The following GPRC5B variants were observed in gnomAD, a reference collection of about 807,000 sequenced individuals.
GPRC5B encodes the protein G protein-coupled receptor class C group 5 member B.
In GPRC5B, 16 loss-of-function variants were observed where a neutral mutation model predicts 30.1. That is an observed-to-expected ratio of 0.53 (90% confidence interval 0.36 to 0.81). The LOEUF is 0.81. GPRC5B is among the 30% of genes least tolerant of loss of function. The pLI, the probability that GPRC5B is intolerant of heterozygous loss-of-function variation, is 0.01. For synonymous variants in GPRC5B, 241 were observed against 239.5 expected (o/e 1.01, Z -0.06); for missense variants, 428 against 544.7 (o/e 0.79, Z 2.13).
intron 2 of GPRC5B, among the ~76,000 whole-genome samples, chr16:19,866,586 C>T (rs576621325): frequency 6.6e-6 from 1 of 151,388 alleles, no homozygotes; most frequent in South Asian, 2.1e-4. Context: ...CGCCACGTTG[C>T]CCAGGTTGGT....
intron 1 of GPRC5B, among the ~76,000 whole-genome samples, chr16:19,877,255 CT>C (rs1000361769): frequency 1.3e-5 from 2 of 152,162 alleles, no homozygotes; most frequent in African/African-American, 4.8e-5. Context: ...CCAGCCCCTG[CT>C]TTTTTTGGAT....
At chr16:19,884,963 G>A (rs2056839706), upstream of GPRC5B, 1 of 797,286 alleles carries the variant, frequency 1.3e-6, no homozygotes, top group South Asian at 5.5e-5. Context: ...GGGCCTCCGA[G>A]CCCCACCCCC....
Position 19,858,190 on chromosome 16 carries a change from GAA to G in GPRC5B, c.*2308_*2309del. On this transcript the variant is annotated 3_prime_UTR_variant, in exon 4 of 4. Transcript: ENST00000300571. ...TGATACTTTTCAGGTGTAGTCATTA[GAA>G]AAAGAACAGCTCTCTCCCTTCTCCT... The G allele has an allele frequency of 3.5e-6, 1 of 287,678 alleles. No homozygotes were observed. The highest frequency in any genetic ancestry group is 6.4e-6 in the Non-Finnish European group (1 of 156,698). The allele number at this position is 287,678 out of a possible 1,614,324, so 17.8% of individuals were successfully genotyped here.
chr16:19,880,885 G>C (rs999686006), intron 1 of GPRC5B: 5 of 151,916 alleles, frequency 3.3e-5, no homozygotes, highest in African/African-American at 1.2e-4. Context: ...GCTCCACCCT[G>C]TGTCCCCTCG....
intron 2 of GPRC5B, among the ~76,000 whole-genome samples, chr16:19,864,948 A>G (rs1318331517): frequency 1.5e-5 from 2 of 133,850 alleles, no homozygotes; most frequent in African/African-American, 5.7e-5. Context: ...TCTCTGTCTC[A>G]GGCTGGGGTA....
At chr16:19,864,577 T>C (rs2056652017) in intron 2 of GPRC5B, among the ~76,000 whole-genome samples, 1 of 152,220 alleles carries the variant, frequency 6.6e-6, no homozygotes, top group South Asian at 2.1e-4. Context: ...GCCTGGAGAA[T>C]GCCCTTCCCA....
At chr16:19,863,153 C>T (rs1597623436) in intron 2 of GPRC5B, among the ~76,000 whole-genome samples, 2 of 150,860 alleles carry the variant, frequency 1.3e-5, no homozygotes, top group African/African-American at 2.4e-5. Context: ...TAATTTTCAT[C>T]GCACGATAGC....
rs907073858 is a variant in GPRC5B at position 19,884,742 on chromosome 16, C to T, written c.-17G>A. ...TCGCACTTACCGACCCCCGCGGCCC[C>T]GCAGCGCCGACGCTCCAGCTGGCCT... On this transcript the variant is annotated 5_prime_UTR_variant, in exon 1 of 4. Transcript: ENST00000300571. 1.0e-6 allele frequency: 1 copy of T among 985,118 alleles called. No homozygotes were observed. The highest frequency in any genetic ancestry group is 1.2e-6 in the Non-Finnish European group (1 of 829,786). The allele number at this position is 985,118 out of a possible 1,614,324, so 61.0% of individuals were successfully genotyped here.
chr16:19,861,275 G>A (rs1427565120), intron 3 of GPRC5B, among the ~76,000 whole-genome samples: 1 of 152,148 alleles, frequency 6.6e-6, no homozygotes, highest in East Asian at 1.9e-4. Flanking sequence ...AAACAAAATG[G>A]TGTCATTCCA....
chr16:19,880,838 C>T (rs575016910), intron 1 of GPRC5B: 1 of 152,416 alleles, frequency 6.6e-6, no homozygotes, highest in East Asian at 1.9e-4. Context: ...CATTCTAGAA[C>T]ATTCTTACTG....
Position 19,857,126 on chromosome 16 carries a change from A to G in GPRC5B, c.*3374T>C. 1 of 203,334 alleles carries G rather than the reference A, an allele frequency of 4.9e-6. No individual in the cohort carries two copies. Among genetic ancestry groups the G allele is most frequent in the South Asian group, 8.1e-5 (1 of 12,288 alleles). The allele number at this position is 203,334 out of a possible 1,614,324, so 12.6% of individuals were successfully genotyped here. A position where few individuals can be genotyped will look rare whatever the true frequency, so the allele number is the denominator to read the frequency against. On this transcript the variant is annotated 3_prime_UTR_variant, in exon 4 of 4. Coordinates refer to ENST00000300571, the MANE Select transcript of GPRC5B (RefSeq NM_016235.3). ...TTTGTTGTCTAAGTCCCAAAGTATTATATAGAAAGTTCCTGCTTTTATGGG... is the reference window on the plus strand; with the variant it reads ...TTTGTTGTCTAAGTCCCAAAGTATTGTATAGAAAGTTCCTGCTTTTATGGG...
intron 1 of GPRC5B, among the ~76,000 whole-genome samples, chr16:19,877,604 C>A (rs2056768317): frequency 6.6e-6 from 1 of 152,128 alleles, no homozygotes; most frequent in Non-Finnish European, 1.5e-5. Context: ...GTGACAACAA[C>A]AATAACTGGT....
At chr16:19,869,664 GAT>G (rs2056697588) in intron 2 of GPRC5B, among the ~76,000 whole-genome samples, 2 of 152,128 alleles carry the variant, frequency 1.3e-5, no homozygotes, top group Non-Finnish European at 2.9e-5. Context: ...AGCAGTAGCA[GAT>G]AGTCCTGGGT....
At chr16:19,878,495 T>C (rs1434167384) in intron 1 of GPRC5B, among the ~76,000 whole-genome samples, 1 of 151,994 alleles carries the variant, frequency 6.6e-6, no homozygotes, top group Non-Finnish European at 1.5e-5. Flanking sequence ...GGTTTTGCCA[T>C]GTTGGCCAGG....
chr16:19,869,901 A>G (rs1313717985), intron 2 of GPRC5B, among the ~76,000 whole-genome samples: 1 of 152,014 alleles, frequency 6.6e-6, no homozygotes, highest in Non-Finnish European at 1.5e-5. Flanking sequence ...GTGAGACCCC[A>G]TGTCTATCAA....
rs2056734533 is a variant in GPRC5B at position 19,872,907 on chromosome 16, C to T, written c.-1-61G>A. On this transcript the variant is annotated intron_variant, in intron 1 of 3. Coordinates refer to ENST00000300571, the MANE Select transcript of GPRC5B (RefSeq NM_016235.3). This position sits in a 1 kb window ranked among gnomAD's most constrained non-coding sequence, Gnocchi z 5.0. ...GAAAGATGAATTCATTGGAAGACTC[C>T]CCCTCTCCTGACTTCTTGAAGAAGA... 4.8e-6 allele frequency: 6 copies of T among 1,240,422 alleles called. No homozygotes were observed. Among genetic ancestry groups the T allele is most frequent in the African/African-American group, 1.5e-5 (1 of 67,346 alleles). 76.8% of individuals were successfully genotyped at this position (1,240,422 alleles called of 1,614,324 possible).
chr16:19,875,408 A>G (rs866522747), intron 1 of GPRC5B, among the ~76,000 whole-genome samples: 3 of 152,226 alleles, frequency 2.0e-5, no homozygotes, highest in South Asian at 2.1e-4. Flanking sequence ...CTGGGCGGTT[A>G]TTTACTTAAC....
intron 1 of GPRC5B, among the ~76,000 whole-genome samples, chr16:19,880,428 T>TAAATAAAATAAAATAAAATAAAATA (rs6145780): frequency 0.09 from 12,492 of 139,178 alleles, 667 homozygotes; most frequent in African/African-American, 0.1. Context: ...GTCTCTGTTA[T>TAAATAAAATAAAATAAAATAAAATA]AAATAAAATA....
rs541225495 is a variant in GPRC5B, at chr16:19,879,432, C to A, written c.-2+5295G>T. On this transcript the variant is annotated intron_variant, in intron 1 of 3. Transcript: ENST00000300571. The stretch of plus-strand genomic sequence containing the variant: ...CTCTCTCTCACACACACACACACAC[C>A]ACACACACAGACACACACACACGCG... 3.5e-5 allele frequency among the ~76,000 whole-genome samples: 5 copies of A among 144,560 alleles called. No homozygotes were observed. In the East Asian group the frequency reaches 9.7e-4, roughly 28 times the overall value. The allele number at this position is 144,560 out of a possible 152,430, so 94.8% of individuals were successfully genotyped here.
Sources: allele counts gnomAD v4.1 joint callset (sites outside exome capture counted in the v4.1 genomes callset), GRCh38; gene constraint gnomAD v4.1.1; non-coding constraint Gnocchi (gnomAD v3.1); transcripts MANE v1.5; gene names NCBI Gene and HGNC (gene_info 2026-07-23, HGNC 2026-07-21).